The following VPS13B variants were observed in gnomAD, a reference collection of about 807,000 sequenced individuals.
VPS13B encodes vacuolar protein sorting 13 homolog B, also known as intermembrane lipid transfer protein VPS13B.
Under a neutral mutation model 426.4 loss-of-function variants are expected in VPS13B, and 285 were observed. The observed-to-expected ratio is 0.67, with a 90% CI of 0.61 to 0.74. The LOEUF (loss-of-function observed/expected upper bound fraction) is 0.74. VPS13B is among the 30% of genes least tolerant of loss of function. The pLI is 0.00. For synonymous variants in VPS13B, 1,676 were observed against 1,676.4 expected (o/e 1.00, Z 0.01); for missense variants, 4,537 against 4,782.6 (o/e 0.95, Z 1.51).
chr8:99,431,096 T>A (rs755748387), intron 21 of VPS13B, among the ~76,000 whole-genome samples: 1 of 152,208 alleles, frequency 6.6e-6, no homozygotes, highest in Non-Finnish European at 1.5e-5. Flanking sequence ...AAGGATAATT[T>A]TCTATCAATT....
At chr8:99,096,245 A>C in intron 3 of VPS13B, 67 bp from the exon 4 acceptor site, 1 of 1,587,922 alleles carries the variant, frequency 6.3e-7, no homozygotes, top group Non-Finnish European at 8.6e-7. Flanking sequence ...ATATATTAAA[A>C]AATTTTTTTT....
At chr8:99,272,697 G>T (rs1373734808) in intron 17 of VPS13B, among the ~76,000 whole-genome samples, 1 of 152,048 alleles carries the variant, frequency 6.6e-6, no homozygotes, top group Non-Finnish European at 1.5e-5. Flanking sequence ...TACCTTCTGT[G>T]CTTTTATATC....
chr8:99,376,633 C>T lies in VPS13B; in HGVS notation c.2825-7575C>T, dbSNP rs1000837112. On this transcript the variant is annotated intron_variant, in intron 19 of 61. Coordinates refer to ENST00000357162, the MANE Select transcript of VPS13B (RefSeq NM_152564.5). ...CTCAAATAAAATGGTGTACCAATCA[C>T]ATGTTGAGAATTTGTTTGAAAATTC... Among the ~76,000 whole-genome samples the T allele has an allele frequency of 2.6e-5, 4 of 152,200 alleles. No individual in the cohort carries two copies. In the East Asian group the frequency reaches 7.7e-4, roughly 29 times the overall value.
intron 17 of VPS13B, among the ~76,000 whole-genome samples, chr8:99,208,394 A>G (rs1283038278): frequency 1.3e-5 from 2 of 152,114 alleles, no homozygotes; most frequent in Non-Finnish European, 2.9e-5. Flanking sequence ...TTTTTTATTG[A>G]TTCTACTTGG....
rs892850167 is a variant in VPS13B at position 99,175,960 on chromosome 8, G to A, written c.2333+5797G>A. On this transcript the variant is annotated intron_variant, in intron 16 of 61. Coordinates refer to ENST00000357162, the MANE Select transcript of VPS13B (RefSeq NM_152564.5). ...CGTAGCCACCTTTTGTTGCTACTGC[G>A]GTGAGCTTTTGTGTTGTATCTGCTT... 5.3e-5 allele frequency among the ~76,000 whole-genome samples: 8 copies of A among 152,034 alleles called. 1 individual carries two copies. The South Asian group carries it at 8.3e-4, about 16-fold the overall frequency.
rs541093873 is a variant in VPS13B, at chr8:99,269,798, C to T, written c.2516-4400C>T. 2.6e-5 allele frequency among the ~76,000 whole-genome samples: 4 copies of T among 152,210 alleles called. No homozygotes were observed. The South Asian group carries it at 8.3e-4, about 32-fold the overall frequency. ...GCCTTTCTATTGCTCACATTTGGGG[C>T]ATTTTATAATTTCAGTTTGATGGTA... On this transcript the variant is annotated intron_variant, in intron 17 of 61. Coordinates refer to ENST00000357162, the MANE Select transcript of VPS13B (RefSeq NM_152564.5).
chr8:99,125,977 T>C (rs4307309), intron 8 of VPS13B, among the ~76,000 whole-genome samples: 10,036 of 151,878 alleles, frequency 0.066, 462 homozygotes, highest in Non-Finnish European at 0.1. Context: ...TGTTTGGTGA[T>C]ATGAGTGATC....
intron 24 of VPS13B, 139 bp downstream of exon 24, chr8:99,467,773 G>C: frequency 2.2e-6 from 2 of 893,536 alleles, no homozygotes; most frequent in African/African-American, 1.7e-5. Context: ...AGGGTGGTTA[G>C]ATTAAGAATT....
chr8:99,087,159 G>C (rs1305393824), intron 3 of VPS13B, among the ~76,000 whole-genome samples: 1 of 152,170 alleles, frequency 6.6e-6, no homozygotes, highest in Admixed American at 6.5e-5. Flanking sequence ...GCAATGGCGG[G>C]CGCCCCCTCC....
rs374714851 is a variant in VPS13B at position 99,543,418 on chromosome 8, T to C, written c.4746-13032T>C. The stretch of plus-strand genomic sequence containing the variant: ...TAGGCATGGGCAAGGACTTCATGTC[T>C]AAAACACCAAAAGCAATGGCAACAA... On this transcript the variant is annotated intron_variant, in intron 30 of 61. Coordinates refer to ENST00000357162, the MANE Select transcript of VPS13B (RefSeq NM_152564.5). 4.2e-3 allele frequency among the ~76,000 whole-genome samples: 643 copies of C among 151,666 alleles called. 6 individuals are homozygous for C. Among genetic ancestry groups the C allele is most frequent in the East Asian group, 0.021 (108 of 5,160 alleles).
chr8:99,627,744 A>G (rs1346232975), intron 33 of VPS13B, among the ~76,000 whole-genome samples: 3 of 152,244 alleles, frequency 2.0e-5, no homozygotes, highest in Non-Finnish European at 2.9e-5. Context: ...AAATGTATAT[A>G]GTTATGATTT....
intron 20 of VPS13B, among the ~76,000 whole-genome samples, chr8:99,390,261 C>A (rs1050224673): frequency 7.2e-5 from 11 of 152,098 alleles, no homozygotes; most frequent in African/African-American, 2.7e-4. Context: ...CCATGCCTGG[C>A]TGATTTTTTG....
In VPS13B at chr8:99,697,314, G is replaced by T. The variant is rs551684553; in HGVS notation, c.6047-2211G>T. 2.3e-5 allele frequency: 13 copies of T among 573,752 alleles called. No individual in the cohort carries two copies. The South Asian group carries it at 2.6e-4, about 12-fold the overall frequency. 35.5% of individuals were successfully genotyped at this position (573,752 alleles called of 1,614,324 possible). A position where few individuals can be genotyped will look rare whatever the true frequency, so the allele number is the denominator to read the frequency against. On this transcript the variant is annotated intron_variant, in intron 35 of 61. Coordinates refer to ENST00000357162, the MANE Select transcript of VPS13B (RefSeq NM_152564.5). ...GGAGTTGGAGAAGGATGTCGCGCCCGAAGGTGTGGAAGCCACCCCTCGAAG... is the reference window on the plus strand; with the variant it reads ...GGAGTTGGAGAAGGATGTCGCGCCCTAAGGTGTGGAAGCCACCCCTCGAAG...
At chr8:99,751,596 T>C (rs1810398634) in intron 39 of VPS13B, among the ~76,000 whole-genome samples, 1 of 152,190 alleles carries the variant, frequency 6.6e-6, no homozygotes, top group Non-Finnish European at 1.5e-5. Context: ...CATGGAAACA[T>C]TTAATGAATA....
chr8:99,313,945 G>A (rs116880033), intron 19 of VPS13B, among the ~76,000 whole-genome samples: 4,614 of 152,086 alleles, frequency 0.03, 110 homozygotes, highest in South Asian at 0.075. Flanking sequence ...GTGAGGCTTC[G>A]TGGGCTTGGG....
Position 99,641,867 on chromosome 8 carries a change from C to G in VPS13B, c.5277C>G (p.Thr1759=), listed in dbSNP as rs920541973. 1 of 1,613,906 alleles carries G rather than the reference C, an allele frequency of 6.2e-7. No homozygotes were observed. The highest frequency in any genetic ancestry group is 8.5e-7 in the Non-Finnish European group (1 of 1,179,928). Residue 1759 remains threonine, a synonymous_variant, in exon 34 of 62, where the codon ACC becomes ACG. Transcript: ENST00000357162. ...TATTTGATGGAGGCATGGCTGAAAC[C>G]TCATCTCGCTACAGTGGTGCTCAGG... ...VDIFDGGMAE[T]SSRYSGAQDS...
chr8:99,717,474 AG>A, intron 37 of VPS13B, 101 bp downstream of exon 37: 1 of 1,120,904 alleles, frequency 8.9e-7, no homozygotes, highest in Middle Eastern at 2.0e-4. Flanking sequence ...GTGGTAAGAA[AG>A]GGTATTTGTC....
intron 33 of VPS13B, among the ~76,000 whole-genome samples, chr8:99,631,622 G>T (rs1327638214): frequency 2.0e-5 from 3 of 151,784 alleles, no homozygotes; most frequent in African/African-American, 7.3e-5. Context: ...TCTTGCAGTT[G>T]CTCTGACTAA....
chr8:99,440,832 T>C (rs1817645752), intron 22 of VPS13B, among the ~76,000 whole-genome samples: 1 of 152,066 alleles, frequency 6.6e-6, no homozygotes, highest in Non-Finnish European at 1.5e-5. Context: ...CCTCACAATA[T>C]TGAAAGCATT....
Sources: allele counts gnomAD v4.1 joint callset (sites outside exome capture counted in the v4.1 genomes callset), GRCh38; gene constraint gnomAD v4.1.1; transcripts MANE v1.5; gene names NCBI Gene and HGNC (gene_info 2026-07-23, HGNC 2026-07-21).